Variants in PTPRD observed in about 807,000 individuals in gnomAD.
The protein encoded by PTPRD is receptor-type tyrosine-protein phosphatase delta.
A neutral mutation model predicts 214.5 loss-of-function variants in PTPRD; 34 were observed. The observed-to-expected ratio is 0.16, with a 90% CI of 0.12 to 0.21. The LOEUF is 0.21. PTPRD is among the 10% of genes least tolerant of loss of function. The pLI is 1.00. For synonymous variants in PTPRD, 1,128 were observed against 845.7 expected, an observed-to-expected ratio of 1.33 and a Z score of -5.79; for missense variants, 2,545 against 2,398.7, an observed-to-expected ratio of 1.06 and a Z score of -1.27.
At chr9:9,790,008 A>G (rs1470586937) in intron 5 of PTPRD, among the ~76,000 whole-genome samples, 1 of 152,050 alleles carries the variant, frequency 6.6e-6, no homozygotes, top group East Asian at 1.9e-4. Context: ...AAGAACACAC[A>G]TAATTTCTTA....
At chr9:8,498,649 A>C (rs747029717) in intron 25 of PTPRD, among the ~76,000 whole-genome samples, 1 of 152,182 alleles carries the variant, frequency 6.6e-6, no homozygotes, top group Admixed American at 6.5e-5. Context: ...ATGTTTTTAC[A>C]AACTCCATCC....
At chr9:8,729,781 A>G (rs2098634713) in intron 12 of PTPRD, among the ~76,000 whole-genome samples, 1 of 152,242 alleles carries the variant, frequency 6.6e-6, no homozygotes, top group African/African-American at 2.4e-5. Context: ...CAGAGCTCAC[A>G]TTCTTAACCA....
chr9:9,406,774 T>C (rs1001041379), intron 8 of PTPRD, among the ~76,000 whole-genome samples: 3 of 151,374 alleles, frequency 2.0e-5, no homozygotes, highest in Non-Finnish European at 3.0e-5. Context: ...AGCAATTTTA[T>C]AGTGGAGATA....
intron 6 of PTPRD, among the ~76,000 whole-genome samples, chr9:9,763,674 A>G (rs2098680988): frequency 6.6e-6 from 1 of 152,160 alleles, no homozygotes; most frequent in Non-Finnish European, 1.5e-5. Flanking sequence ...AAAAGGGTTC[A>G]GCTCCCCACT....
intron 5 of PTPRD, among the ~76,000 whole-genome samples, chr9:9,810,581 G>A (rs892320840): frequency 6.6e-6 from 1 of 150,596 alleles, no homozygotes; most frequent in Non-Finnish European, 1.5e-5. Context: ...AATATTTTAA[G>A]TTACTTGTTG....
chr9:10,199,479 CT>C (rs1054427132), intron 3 of PTPRD, among the ~76,000 whole-genome samples: 1 of 152,020 alleles, frequency 6.6e-6, no homozygotes, highest in African/African-American at 2.4e-5. Context: ...GCATCAGGCA[CT>C]CTTGCTTTAT....
chr9:8,615,199 T>C (rs2095570946), intron 14 of PTPRD, among the ~76,000 whole-genome samples: 1 of 151,990 alleles, frequency 6.6e-6, no homozygotes, highest in Non-Finnish European at 1.5e-5. Flanking sequence ...TATTATTCTC[T>C]CCTCAATACA....
intron 3 of PTPRD, among the ~76,000 whole-genome samples, chr9:10,209,289 T>C (rs1386645440): frequency 6.6e-6 from 1 of 152,202 alleles, no homozygotes; most frequent in African/African-American, 2.4e-5. Context: ...CCATGGTTTA[T>C]AGCAAATCTA....
intron 5 of PTPRD, among the ~76,000 whole-genome samples, chr9:9,808,052 G>C (rs994093665): frequency 2.0e-5 from 3 of 152,078 alleles, no homozygotes; most frequent in African/African-American, 7.2e-5. Context: ...AACCAAAATA[G>C]GCAACTATCC....
At chr9:10,031,647 T>TATATACACACACACACAC in intron 4 of PTPRD, among the ~76,000 whole-genome samples, 19 of 89,596 alleles carry the variant, frequency 2.1e-4, no homozygotes, top group East Asian at 4.7e-4. Context: ...TATATATATA[T>TATATACACACACACACAC]ACACACACAC....
intron 12 of PTPRD, among the ~76,000 whole-genome samples, chr9:8,685,745 G>A (rs770687465): frequency 3.3e-5 from 5 of 152,176 alleles, no homozygotes; most frequent in South Asian, 2.1e-4. Flanking sequence ...GGTACAGGCC[G>A]ATATTAATAA....
chr9:9,461,555 T>C (rs2093656203), intron 8 of PTPRD, among the ~76,000 whole-genome samples: 3 of 152,200 alleles, frequency 2.0e-5, no homozygotes, highest in Admixed American at 1.3e-4. Flanking sequence ...AAAGGGTTCT[T>C]AACCATTTGA....
chr9:9,819,468 TA>T (rs879775298), intron 5 of PTPRD, among the ~76,000 whole-genome samples: 16 of 152,318 alleles, frequency 1.1e-4, no homozygotes, highest in African/African-American at 3.8e-4. Flanking sequence ...TATATTGCTG[TA>T]ATACATAACT....
At chr9:8,544,467 CTTTTTTT>C (rs34002040) in intron 14 of PTPRD, among the ~76,000 whole-genome samples, 4 of 116,210 alleles carry the variant, frequency 3.4e-5, no homozygotes, top group Non-Finnish European at 5.2e-5. Flanking sequence ...AAAAAAATAA[CTTTTTTT>C]TTTTTTTTTT....
intron 12 of PTPRD, among the ~76,000 whole-genome samples, chr9:8,711,397 C>T (rs2098329692): frequency 6.6e-6 from 1 of 151,942 alleles, no homozygotes; most frequent in African/African-American, 2.4e-5. Context: ...ATAAATGTAC[C>T]TTTAAAAAGG....
chr9:9,385,651 G>T (rs10977710), intron 9 of PTPRD, among the ~76,000 whole-genome samples: 35,540 of 152,014 alleles, frequency 0.23, 4,226 homozygotes, highest in Middle Eastern at 0.38. Context: ...TAGTGAAAGT[G>T]AATACAGGCA....
chr9:9,714,001 G>C (rs542290324), intron 7 of PTPRD, among the ~76,000 whole-genome samples: 1 of 149,120 alleles, frequency 6.7e-6, no homozygotes, highest in South Asian at 2.2e-4. Context: ...CTCCAAAGTA[G>C]AATGTCTTGG....
chr9:9,767,988 C>T (rs1455887485), intron 5 of PTPRD, among the ~76,000 whole-genome samples: 1 of 152,212 alleles, frequency 6.6e-6, no homozygotes, highest in African/African-American at 2.4e-5. Flanking sequence ...ATCATCGAAA[C>T]AGCACAAAAT....
In PTPRD at chr9:9,791,247, A is replaced by G. The variant is rs151286969; in HGVS notation, c.-367-24396T>C. Reference sequence around the variant, plus strand: ...TAATTGTGTTAGCTAAAATCGGATTATACCTTTAAAAATGAAAAAGGTGTT... The same window carrying G: ...TAATTGTGTTAGCTAAAATCGGATTGTACCTTTAAAAATGAAAAAGGTGTT... On this transcript the variant is annotated intron_variant, in intron 5 of 45. Coordinates refer to ENST00000381196, the MANE Select transcript of PTPRD (RefSeq NM_002839.4). Among the ~76,000 whole-genome samples the G allele has an allele frequency of 9.3e-3, 1,423 of 152,280 alleles. 12 individuals are homozygous for G. Among genetic ancestry groups the G allele is most frequent in the Middle Eastern group, 0.014 (4 of 294 alleles).
Sources: allele counts gnomAD v4.1 joint callset (sites outside exome capture counted in the v4.1 genomes callset), GRCh38; gene constraint gnomAD v4.1.1; transcripts MANE v1.5; gene names NCBI Gene and HGNC (gene_info 2026-07-23, HGNC 2026-07-21).